The following USP25 variants were observed in gnomAD, a reference collection of about 807,000 sequenced individuals.
USP25 encodes the protein ubiquitin carboxyl-terminal hydrolase 25.
Under a neutral mutation model 158.5 loss-of-function variants are expected in USP25, and 85 were observed. That is an observed-to-expected ratio of 0.54 (90% CI 0.45 to 0.64). The LOEUF (loss-of-function observed/expected upper bound fraction) is 0.64, where lower values mean the gene tolerates loss of function less well. Ranked by LOEUF, USP25 falls within the 30% of genes least tolerant of loss-of-function variation. The pLI is 0.00. For synonymous variants in USP25, 464 were observed against 460.4 expected (o/e 1.01, Z -0.10); for missense variants, 1,242 against 1,327.3 (o/e 0.94, Z 1.00).
chr21:15,784,682 T>C (rs1332029369), intron 4 of USP25, among the ~76,000 whole-genome samples: 1 of 152,152 alleles, frequency 6.6e-6, no homozygotes, highest in African/African-American at 2.4e-5. Flanking sequence ...CAAAGTTAAG[T>C]TGTTATTAGC....
rs2146364087 is a variant in USP25, at chr21:15,826,648, T to A, written c.1466+283T>A. On this transcript the variant is annotated intron_variant, in intron 13 of 25. Coordinates refer to ENST00000400183, the MANE Select transcript of USP25 (RefSeq NM_001283041.3). The surrounding 1 kb of genome is among the most constrained non-coding windows in gnomAD (Gnocchi z 4.8). ...ATATATAAGATTCAGCATTTTATGA[T>A]CCATAAAAATAGTACTATCAAATTA... Among the ~76,000 whole-genome samples, 1 of 152,332 alleles carries A rather than the reference T, an allele frequency of 6.6e-6. No individual in the cohort carries two copies. Among genetic ancestry groups the A allele is most frequent in the Admixed American group, 6.5e-5 (1 of 15,304 alleles).
intron 9 of USP25, among the ~76,000 whole-genome samples, chr21:15,815,953 TTTGGGGGATTGTTGGGAAG>T (rs1312328518): frequency 6.6e-6 from 1 of 152,088 alleles, no homozygotes; most frequent in Non-Finnish European, 1.5e-5. Context: ...GAGCTAAGAC[TTTGGGGGATTGTTGGGAAG>T]ACATGATTGG....
intron 23 of USP25, among the ~76,000 whole-genome samples, chr21:15,872,640 A>G (rs547902798): frequency 6.6e-6 from 1 of 152,368 alleles, no homozygotes; most frequent in South Asian, 2.1e-4. Context: ...ATATCATTTC[A>G]AAATAAAATG....
intron 24 of USP25, chr21:15,877,183 G>A (rs1403504385): frequency 1.3e-5 from 2 of 152,216 alleles, no homozygotes; most frequent in Admixed American, 6.5e-5. Flanking sequence ...AATAGTCCTC[G>A]TCTGGCCCTT....
intron 16 of USP25, among the ~76,000 whole-genome samples, chr21:15,832,228 G>T (rs1468934707): frequency 2.0e-5 from 3 of 152,124 alleles, no homozygotes; most frequent in Non-Finnish European, 4.4e-5. Flanking sequence ...ATTTACTGTT[G>T]TGTATTGGAA....
At chr21:15,769,511 G>T (rs1191362372) in intron 3 of USP25, among the ~76,000 whole-genome samples, 2 of 152,102 alleles carry the variant, frequency 1.3e-5, no homozygotes, top group Non-Finnish European at 2.9e-5. Context: ...TGTCAAATGA[G>T]TGCCTGTTGT....
chr21:15,806,475 G>A (rs1361121594), intron 7 of USP25, among the ~76,000 whole-genome samples: 1 of 148,520 alleles, frequency 6.7e-6, no homozygotes, highest in East Asian at 2.0e-4. Flanking sequence ...TGATTTTGGG[G>A]TATCTTTTCA....
chr21:15,851,499 C>A (rs904745200), intron 20 of USP25, among the ~76,000 whole-genome samples: 1 of 142,926 alleles, frequency 7.0e-6, no homozygotes, highest in Non-Finnish European at 1.5e-5. Flanking sequence ...GCTCCTATCC[C>A]CCATACACAC....
At chr21:15,812,827 A>G (rs770111098) in intron 9 of USP25, among the ~76,000 whole-genome samples, 2 of 152,150 alleles carry the variant, frequency 1.3e-5, no homozygotes, top group African/African-American at 2.4e-5. Context: ...CACTTTTTAC[A>G]TAGATCTTCC....
intron 16 of USP25, among the ~76,000 whole-genome samples, chr21:15,832,812 A>G (rs997545730): frequency 6.6e-6 from 1 of 152,016 alleles, no homozygotes; most frequent in Non-Finnish European, 1.5e-5. Flanking sequence ...AGGTCAGGAG[A>G]TCGAGACCAT....
chr21:15,830,727 G>T, intron 15 of USP25, 126 bp downstream of exon 15: 1 of 704,910 alleles, frequency 1.4e-6, no homozygotes, highest in East Asian at 2.9e-5. Flanking sequence ...AAATCTTATT[G>T]TAAAATAATA....
intron 10 of USP25, among the ~76,000 whole-genome samples, chr21:15,821,070 TTGTC>T (rs1438805284): frequency 6.6e-6 from 1 of 152,002 alleles, no homozygotes; most frequent in Non-Finnish European, 1.5e-5. Context: ...TATTTTTTGA[TTGTC>T]TGTTGGAGGA....
At chr21:15,824,858 C>G (rs1381446278) in intron 11 of USP25, 108 bp from the exon 12 acceptor site, 6 of 815,710 alleles carry the variant, frequency 7.4e-6, no homozygotes, top group Non-Finnish European at 1.2e-5. Context: ...TCAGGTGATC[C>G]TCCCGCCTTG....
intron 21 of USP25, among the ~76,000 whole-genome samples, chr21:15,865,994 G>A (rs1042683411): frequency 6.6e-6 from 1 of 152,004 alleles, no homozygotes; most frequent in African/African-American, 2.4e-5. Context: ...TTTTTCCTAT[G>A]CAAACTGTGT....
chr21:15,745,770 C>T (rs1009782916), intron 1 of USP25, among the ~76,000 whole-genome samples: 1 of 152,158 alleles, frequency 6.6e-6, no homozygotes, highest in Non-Finnish European at 1.5e-5. Flanking sequence ...GCCACCACGC[C>T]CGGCTGCTTT....
chr21:15,840,103 A>C (rs1324532405), intron 17 of USP25, among the ~76,000 whole-genome samples: 1 of 152,106 alleles, frequency 6.6e-6, no homozygotes, highest in African/African-American at 2.4e-5. Context: ...GATTTTATGA[A>C]TCTTTGATCA....
chr21:15,731,004 A>ATTTTTTTTTTT (rs2030821375), intron 1 of USP25, among the ~76,000 whole-genome samples: 1 of 83,726 alleles, frequency 1.2e-5, no homozygotes, highest in African/African-American at 6.1e-5. Flanking sequence ...TTTTTTTTCA[A>ATTTTTTTTTTT]TATAGAAACT....
chr21:15,759,218 G>A (rs932418017), intron 1 of USP25, among the ~76,000 whole-genome samples: 4 of 152,228 alleles, frequency 2.6e-5, no homozygotes, highest in Middle Eastern at 3.4e-3. Context: ...CCTTTAATTC[G>A]TAATGTTGGG....
chr21:15,864,168 A>T, intron 20 of USP25, 100 bp from the exon 21 acceptor site: 1 of 1,303,500 alleles, frequency 7.7e-7, no homozygotes. Context: ...CAAAAAAAAA[A>T]AAAAGATTTA....
Sources: allele counts gnomAD v4.1 joint callset (sites outside exome capture counted in the v4.1 genomes callset), GRCh38; gene constraint gnomAD v4.1.1; non-coding constraint Gnocchi (gnomAD v3.1); transcripts MANE v1.5; gene names NCBI Gene and HGNC (gene_info 2026-07-23, HGNC 2026-07-21).